The following PCDHA9 variants were observed in gnomAD, a reference collection of about 807,000 sequenced individuals.
PCDHA9 encodes the protein protocadherin alpha-9.
In PCDHA9, 62 loss-of-function variants were observed where a neutral mutation model predicts 62.0. The ratio of observed to expected loss-of-function variants is 1.00; its 90% CI spans 0.81 to 1.23. The LOEUF (loss-of-function observed/expected upper bound fraction) is 1.23, where lower values mean the gene tolerates loss of function less well. PCDHA9 is among the 50% of genes most tolerant of loss of function. PCDHA9 has a pLI of 0.00. For synonymous variants in PCDHA9, 557 were observed against 567.6 expected (o/e 0.98, Z 0.27); for missense variants, 1,205 against 1,249.8 (o/e 0.96, Z 0.54).
intron 1 of PCDHA9, among the ~76,000 whole-genome samples, chr5:140,959,381 A>G (rs2095484925): frequency 6.6e-6 from 1 of 152,190 alleles, no homozygotes; most frequent in African/African-American, 2.4e-5. Flanking sequence ...CTCAAAAAAA[A>G]AAGTCACAAA....
chr5:140,856,435 G>T, intron 1 of PCDHA9: 3 of 1,598,320 alleles, frequency 1.9e-6, no homozygotes, highest in Non-Finnish European at 2.6e-6. Flanking sequence ...ACGACAACCC[G>T]CCCAGGTTCT....
At chr5:140,997,837 T>G (rs1414415987) in intron 3 of PCDHA9, among the ~76,000 whole-genome samples, 2 of 152,222 alleles carry the variant, frequency 1.3e-5, no homozygotes, top group African/African-American at 4.8e-5. Context: ...AACAATACAA[T>G]ATACATTCTT....
chr5:140,875,449 A>T, intron 1 of PCDHA9: 2 of 1,590,426 alleles, frequency 1.3e-6, no homozygotes, highest in Non-Finnish European at 8.6e-7. Flanking sequence ...GATTGTCCCA[A>T]CTCAGAGGCC....
intron 1 of PCDHA9, among the ~76,000 whole-genome samples, chr5:140,921,890 G>A (rs1167996919): frequency 1.3e-5 from 2 of 151,710 alleles, no homozygotes; most frequent in African/African-American, 2.4e-5. Flanking sequence ...ATTTTAGAAA[G>A]GAGGATAAAT....
In PCDHA9 at chr5:140,929,359, C is replaced by T; in HGVS notation, c.2395-49590C>T. 3.3e-6 allele frequency: 5 copies of T among 1,522,308 alleles called. No homozygotes were observed. In the South Asian group the frequency reaches 6.6e-5, roughly 20 times the overall value. 94.3% of individuals were successfully genotyped at this position (1,522,308 alleles called of 1,614,324 possible). ...ATTTTATGGAATTTGATTCCTTTGG[C>T]CCGGAGATGGCTGCTAGCTGTGTTT... On this transcript the variant is annotated intron_variant, in intron 1 of 3. Transcript: ENST00000532602.
chr5:140,974,481 A>T (rs1017520033), intron 1 of PCDHA9, among the ~76,000 whole-genome samples: 4 of 152,178 alleles, frequency 2.6e-5, no homozygotes, highest in Non-Finnish European at 5.9e-5. Context: ...TTCCACCCAG[A>T]ATTCTCAAAT....
At chr5:140,927,782 C>T (rs550993125) in intron 1 of PCDHA9, 50 of 1,614,098 alleles carry the variant, frequency 3.1e-5, no homozygotes, top group South Asian at 2.2e-4. Context: ...CAAGTAGCTG[C>T]TTCACTAGGT....
At chr5:140,942,239 T>A (rs1554214876) in intron 1 of PCDHA9, among the ~76,000 whole-genome samples, 1 of 152,156 alleles carries the variant, frequency 6.6e-6, no homozygotes, top group Admixed American at 6.6e-5. Flanking sequence ...AAATAAGATA[T>A]CCATATCATT....
intron 1 of PCDHA9, among the ~76,000 whole-genome samples, chr5:140,953,839 A>G (rs2094940958): frequency 6.6e-6 from 1 of 152,192 alleles, no homozygotes; most frequent in African/African-American, 2.4e-5. Flanking sequence ...TTTGTTACCC[A>G]GGTAAACATG....
rs199928168 is a variant in PCDHA9, at chr5:141,009,915, C to T, written c.2831C>T (p.Thr944Met). The part of the protein sequence containing the change: ...TQEKKEKGNS[T>M]TDNSDQ The stretch of plus-strand genomic sequence containing the variant: ...GAGAAAAAAGAGAAAGGGAACAGCA[C>T]GACTGACAACAGTGACCAGTGAGGT... The change falls in exon 4 of 4, where the codon ACG becomes ATG. Residue 944 changes from threonine to methionine, a missense_variant. Physicochemically the swap from Thr to Met is moderately conservative, Grantham distance 81. This residue lies in a region of PCDHA9 where 887 missense variants were observed against 809.5 expected (regional missense o/e 1.10). Coordinates refer to ENST00000532602, the MANE Select transcript of PCDHA9 (RefSeq NM_031857.2). The T allele has an allele frequency of 9.0e-4, 1,448 of 1,611,544 alleles. 2 individuals carry two copies. Among genetic ancestry groups the T allele is most frequent in the Admixed American group, 3.7e-3 (222 of 59,324 alleles).
chr5:141,000,387 C>CTA (rs2097910380), intron 3 of PCDHA9, among the ~76,000 whole-genome samples: 5 of 66,898 alleles, frequency 7.5e-5, no homozygotes, highest in Non-Finnish European at 1.1e-4. Context: ...CTCTCTCTCT[C>CTA]TCTCTCTCTA....
chr5:140,997,567 G>A (rs1163598467), intron 3 of PCDHA9, among the ~76,000 whole-genome samples: 1 of 152,130 alleles, frequency 6.6e-6, no homozygotes, highest in Non-Finnish European at 1.5e-5. Flanking sequence ...ACTGTCATAT[G>A]TGTGGTCCGT....
chr5:140,974,979 C>T (rs782292099), intron 1 of PCDHA9, among the ~76,000 whole-genome samples: 6 of 152,136 alleles, frequency 3.9e-5, no homozygotes, highest in African/African-American at 7.2e-5. Context: ...CTGAGTTGTC[C>T]GCTCAGGTAT....
chr5:140,872,346 G>A (rs2053606612), intron 1 of PCDHA9, among the ~76,000 whole-genome samples: 1 of 152,022 alleles, frequency 6.6e-6, no homozygotes, highest in Admixed American at 6.6e-5. Context: ...ACATGTTCTT[G>A]CCAGGCAAAG....
chr5:140,957,473 G>A (rs1307847703), intron 1 of PCDHA9, among the ~76,000 whole-genome samples: 1 of 151,954 alleles, frequency 6.6e-6, no homozygotes, highest in Non-Finnish European at 1.5e-5. Context: ...GTATGTATAG[G>A]AAAAAACATA....
chr5:140,927,839 G>T (rs782594719), intron 1 of PCDHA9: 1 of 1,614,208 alleles, frequency 6.2e-7, no homozygotes, highest in South Asian at 1.1e-5. Context: ...AGGGACGAAG[G>T]TGTCTTTGGT....
At position 141,010,922 on chromosome 5, in the gene PCDHA9, A is replaced by G. The variant is rs1263879494; in HGVS notation, c.*985A>G. The G allele has an allele frequency of 5.2e-5, 8 of 153,814 alleles. No homozygotes were observed. Among genetic ancestry groups the G allele is most frequent in the African/African-American group, 1.9e-4 (8 of 41,474 alleles). The allele number at this position is 153,814 out of a possible 1,614,324, so 9.5% of individuals were successfully genotyped here. A position where few individuals can be genotyped will look rare whatever the true frequency, so the allele number is the denominator to read the frequency against. ...TTCCCCTAAACTCTCCTCAAAAGAG[A>G]ATTCAGTCTACAGCCATTTAAATGA... On this transcript the variant is annotated 3_prime_UTR_variant, in exon 4 of 4. Transcript: ENST00000532602.
chr5:140,982,288 T>G, intron 2 of PCDHA9, 187 bp from the exon 3 acceptor site: 1 of 1,088,080 alleles, frequency 9.2e-7, no homozygotes, highest in Admixed American at 2.9e-5. Context: ...AGGCAATAAG[T>G]AAGTCAGCAA....
At chr5:140,979,318 T>C (rs2096844474) in intron 2 of PCDHA9, among the ~76,000 whole-genome samples, 1 of 152,196 alleles carries the variant, frequency 6.6e-6, no homozygotes, top group Non-Finnish European at 1.5e-5. Context: ...CTACCTATGC[T>C]TTCTTTTCCT....
Sources: allele counts gnomAD v4.1 joint callset (sites outside exome capture counted in the v4.1 genomes callset), GRCh38; gene constraint gnomAD v4.1.1; regional missense constraint gnomAD v4.1.1; transcripts MANE v1.5; gene names NCBI Gene and HGNC (gene_info 2026-07-23, HGNC 2026-07-21).